The following SCD5 variants were observed in gnomAD, a reference collection of about 807,000 sequenced individuals.
The protein encoded by SCD5 is stearoyl-CoA desaturase 5.
Under a neutral mutation model 30.4 loss-of-function variants are expected in SCD5, and 20 were observed. That is an observed-to-expected ratio of 0.66 (90% CI 0.46 to 0.96). The LOEUF is 0.96. Ranked by LOEUF, SCD5 falls within the 40% of genes least tolerant of loss-of-function variation. The pLI is 0.00. For synonymous variants in SCD5, 173 were observed against 176.4 expected, an observed-to-expected ratio of 0.98 and a Z score of 0.16; for missense variants, 381 against 443.3, an observed-to-expected ratio of 0.86 and a Z score of 1.26.
intron 1 of SCD5, among the ~76,000 whole-genome samples, chr4:82,743,372 G>A (rs1720918063): frequency 6.6e-6 from 1 of 151,904 alleles, no homozygotes. Flanking sequence ...AAAAATTAGT[G>A]GGGTATAGTG....
rs3047047 is a variant in SCD5, at chr4:82,665,045, C to CACACACACAT, written c.569+15661_569+15662insATGTGTGTGT. On this transcript the variant is annotated intron_variant, in intron 3 of 4. Coordinates refer to ENST00000319540, the MANE Select transcript of SCD5 (RefSeq NM_001037582.3). Reference sequence around the variant, plus strand: ...TGTATAATACACACACACACACACACATATATACACACACACATATATATA... The same window carrying CACACACACAT: ...TGTATAATACACACACACACACACACACACACACATATATATACACACACACATATATATA... Among the ~76,000 whole-genome samples the CACACACACAT allele has an allele frequency of 5.0e-3, 595 of 117,890 alleles. 11 individuals carry two copies. Among genetic ancestry groups the CACACACACAT allele is most frequent in the African/African-American group, 0.022 (567 of 25,522 alleles). The allele number at this position is 117,890 out of a possible 152,430, so 77.3% of individuals were successfully genotyped here.
intron 1 of SCD5, among the ~76,000 whole-genome samples, chr4:82,786,528 A>G (rs115892093): frequency 3.1e-3 from 477 of 152,278 alleles, no homozygotes; most frequent in African/African-American, 0.011. Context: ...GGCCAGGCGC[A>G]GTGGCTCATG....
intron 3 of SCD5, among the ~76,000 whole-genome samples, chr4:82,667,559 T>C (rs1728218512): frequency 6.6e-6 from 1 of 152,190 alleles, no homozygotes; most frequent in Non-Finnish European, 1.5e-5. Flanking sequence ...ACCATGTCTC[T>C]TTAGAAAGGC....
intron 3 of SCD5, among the ~76,000 whole-genome samples, chr4:82,665,081 T>A (rs796969929): frequency 0.29 from 38,028 of 132,848 alleles, 6,288 homozygotes; most frequent in African/African-American, 0.38. Flanking sequence ...TATATATTTT[T>A]TTTTTAATTT....
rs188466014 is a variant in SCD5 at position 82,752,514 on chromosome 4, G to C, written c.232+45792C>G. 1.4e-4 allele frequency among the ~76,000 whole-genome samples: 21 copies of C among 152,204 alleles called. No homozygotes were observed. The East Asian group carries it at 4.1e-3, about 29-fold the overall frequency. On this transcript the variant is annotated intron_variant, in intron 1 of 4. Transcript: ENST00000319540. Reference sequence around the variant, plus strand: ...CTGTCACTATAATTCAAGGATAATTGGAACAAATGGCTGCTTAGCACCAGA... The same window carrying C: ...CTGTCACTATAATTCAAGGATAATTCGAACAAATGGCTGCTTAGCACCAGA...
At chr4:82,746,770 G>A (rs1022842882) in intron 1 of SCD5, among the ~76,000 whole-genome samples, 1 of 152,028 alleles carries the variant, frequency 6.6e-6, no homozygotes, top group Non-Finnish European at 1.5e-5. Flanking sequence ...GAGGTGCTGA[G>A]TAGAGAAGAG....
At position 82,693,935 on chromosome 4, in the gene SCD5, A is replaced by G. The variant is rs535077209; in HGVS notation, c.363+11348T>C. Reference sequence around the variant, plus strand: ...CTTTGATGCCCATCGTCCAGGATACAGAGGTGGCCTCCAGTCACAAGAGGG... The same window carrying G: ...CTTTGATGCCCATCGTCCAGGATACGGAGGTGGCCTCCAGTCACAAGAGGG... On this transcript the variant is annotated intron_variant, in intron 2 of 4. Coordinates refer to ENST00000319540, the MANE Select transcript of SCD5 (RefSeq NM_001037582.3). 1.8e-3 allele frequency among the ~76,000 whole-genome samples: 273 copies of G among 152,344 alleles called. 2 individuals are homozygous for G. In the South Asian group the frequency reaches 0.024, roughly 13 times the overall value.
chr4:82,632,042 A>ATTTTCT, intron 4 of SCD5, among the ~76,000 whole-genome samples: 1 of 150,858 alleles, frequency 6.6e-6, no homozygotes, highest in East Asian at 1.9e-4. Context: ...GCTTTTCTTT[A>ATTTTCT]TTATTTATTA....
intron 3 of SCD5, among the ~76,000 whole-genome samples, chr4:82,658,685 T>C (rs1353284679): frequency 2.1e-5 from 3 of 143,188 alleles, no homozygotes; most frequent in African/African-American, 2.6e-5. Flanking sequence ...GGTTTCACCA[T>C]GTTGGCCAGG....
chr4:82,752,234 A>G (rs937925584), intron 1 of SCD5, among the ~76,000 whole-genome samples: 50 of 151,232 alleles, frequency 3.3e-4, no homozygotes, highest in African/African-American at 1.0e-3. Context: ...GGCAGAATAC[A>G]AGCAATATCT....
At chr4:82,688,199 T>C (rs1460351193) in intron 2 of SCD5, among the ~76,000 whole-genome samples, 6 of 152,200 alleles carry the variant, frequency 3.9e-5, no homozygotes, top group African/African-American at 1.4e-4. Flanking sequence ...CAGTCAGTAG[T>C]GAAAAAGAAA....
chr4:82,714,538 G>A (rs570396035), intron 1 of SCD5, among the ~76,000 whole-genome samples: 378 of 152,232 alleles, frequency 2.5e-3, no homozygotes, highest in South Asian at 5.8e-3. Context: ...AAGGCATGGA[G>A]GTGTGAAGGC....
chr4:82,707,580 A>G (rs1479747626), intron 1 of SCD5, among the ~76,000 whole-genome samples: 1 of 152,198 alleles, frequency 6.6e-6, no homozygotes, highest in Non-Finnish European at 1.5e-5. Context: ...AAAGATTGTG[A>G]CTTCTGTTTT....
At chr4:82,732,672 A>T (rs181514968) in intron 1 of SCD5, among the ~76,000 whole-genome samples, 2 of 152,306 alleles carry the variant, frequency 1.3e-5, no homozygotes, top group East Asian at 3.9e-4. Flanking sequence ...ATGAATACAA[A>T]TTACAGTATT....
At chr4:82,676,156 A>C (rs1728432454) in intron 3 of SCD5, among the ~76,000 whole-genome samples, 1 of 152,166 alleles carries the variant, frequency 6.6e-6, no homozygotes, top group Admixed American at 6.5e-5. Context: ...TTGCACCATG[A>C]AATGACACTG....
intron 3 of SCD5, among the ~76,000 whole-genome samples, chr4:82,672,046 C>A (rs978505041): frequency 2.6e-5 from 4 of 151,844 alleles, no homozygotes; most frequent in African/African-American, 9.7e-5. Context: ...TTGTGGGATG[C>A]CATAAAAGCA....
At chr4:82,667,969 GT>G (rs1728227449) in intron 3 of SCD5, among the ~76,000 whole-genome samples, 1 of 152,178 alleles carries the variant, frequency 6.6e-6, no homozygotes, top group Admixed American at 6.5e-5. Context: ...CACAAGGAAT[GT>G]TTGAAAAGAA....
chr4:82,697,893 G>A (rs953043251), intron 2 of SCD5, among the ~76,000 whole-genome samples: 5 of 152,328 alleles, frequency 3.3e-5, no homozygotes, highest in Middle Eastern at 3.4e-3. Flanking sequence ...ATAAATCACC[G>A]TCTTCACTGC....
chr4:82,656,189 C>T (rs1327046974), intron 3 of SCD5, among the ~76,000 whole-genome samples: 3 of 152,068 alleles, frequency 2.0e-5, no homozygotes, highest in Non-Finnish European at 4.4e-5. Context: ...TGGTGGTTTG[C>T]TGCACCCATC....
Sources: allele counts gnomAD v4.1 joint callset (sites outside exome capture counted in the v4.1 genomes callset), GRCh38; gene constraint gnomAD v4.1.1; transcripts MANE v1.5; gene names NCBI Gene and HGNC (gene_info 2026-07-23, HGNC 2026-07-21).